Variants in CHD1L observed in about 807,000 individuals in gnomAD.
CHD1L encodes the protein ATP-dependent chromatin remodeler CHD1L.
Under a neutral mutation model 115.9 loss-of-function variants are expected in CHD1L, and 118 were observed. The observed-to-expected ratio is 1.02, with a 90% CI of 0.88 to 1.19. The LOEUF is 1.19. Among genes scored for constraint, CHD1L ranks in the 50% most tolerant of loss-of-function variants. CHD1L has a pLI of 0.00. For synonymous variants in CHD1L, 411 were observed against 387.1 expected (o/e 1.06, Z -0.72); for missense variants, 1,179 against 1,065.3 (o/e 1.11, Z -1.49).
chr1:147,242,583 G>A (rs1230960686), upstream of CHD1L: 10 of 1,025,368 alleles, frequency 9.8e-6, no homozygotes, highest in Non-Finnish European at 1.2e-5. Context: ...GGCAGGACGC[G>A]CCCTCTGGCG....
the CHD1L span, among the ~76,000 whole-genome samples, chr1:147,234,055 A>G: frequency 6.6e-6 from 1 of 152,102 alleles, no homozygotes; most frequent in Admixed American, 6.6e-5. Context: ...GACCCTGCCA[A>G]ATCCCCCTCT....
At chr1:147,220,360 T>C in the CHD1L span, among the ~76,000 whole-genome samples, 8 of 152,318 alleles carry the variant, frequency 5.3e-5, no homozygotes, top group East Asian at 1.4e-3. Flanking sequence ...TGTTAAGATG[T>C]CAGTTCTTTC....
At chr1:147,234,262 C>T in the CHD1L span, among the ~76,000 whole-genome samples, 1 of 152,140 alleles carries the variant, frequency 6.6e-6, no homozygotes, top group Non-Finnish European at 1.5e-5. Flanking sequence ...CCCCCTGCTC[C>T]CACTTTACTT....
At chr1:147,216,513 C>T in the CHD1L span, among the ~76,000 whole-genome samples, 4 of 151,996 alleles carry the variant, frequency 2.6e-5, no homozygotes, top group Admixed American at 1.3e-4. Context: ...ACATCTCCAG[C>T]GTTTTCTGGA....
the CHD1L span, chr1:147,178,096 C>T: frequency 6.6e-7 from 1 of 1,521,972 alleles, no homozygotes; most frequent in Non-Finnish European, 8.9e-7. Flanking sequence ...CCGGCTGCCC[C>T]CACCCCACCT....
In CHD1L at chr1:147,284,771, A is replaced by G. The variant is rs144056590; in HGVS notation, c.1854+272A>G. 5.3e-5 allele frequency among the ~76,000 whole-genome samples: 8 copies of G among 152,278 alleles called. No homozygotes were observed. The East Asian group carries it at 1.5e-3, about 29-fold the overall frequency. On this transcript the variant is annotated intron_variant, in intron 16 of 22. Transcript: ENST00000369258. ...CCAAGTCACCCCTAAAGGCATTCCT[A>G]TATTATACCAAAATACCATATCCTG...
At chr1:147,177,131 A>G in the CHD1L span, among the ~76,000 whole-genome samples, 1 of 151,998 alleles carries the variant, frequency 6.6e-6, no homozygotes, top group Non-Finnish European at 1.5e-5. Context: ...AAAAATGCCT[A>G]ATTCTAGGAC....
chr1:147,232,591 C>A, the CHD1L span, among the ~76,000 whole-genome samples: 1 of 152,100 alleles, frequency 6.6e-6, no homozygotes, highest in Non-Finnish European at 1.5e-5. Context: ...CTCACTGCAA[C>A]CTCCCTGCCT....
intron 19 of CHD1L, among the ~76,000 whole-genome samples, chr1:147,288,331 A>AAAAAAG (rs1684122063): frequency 1.2e-3 from 2 of 1,606 alleles, no homozygotes; most frequent in Non-Finnish European, 3.1e-3. Flanking sequence ...TCAATAAAAA[A>AAAAAAG]AAAAAAAAAA....
chr1:147,290,420 C>CT (rs1382875503), intron 19 of CHD1L, among the ~76,000 whole-genome samples: 5 of 152,170 alleles, frequency 3.3e-5, no homozygotes, highest in Admixed American at 2.6e-4. Flanking sequence ...AGATTACATA[C>CT]TTTTTTTGAA....
intron 20 of CHD1L, among the ~76,000 whole-genome samples, chr1:147,292,764 T>C (rs1686031468): frequency 2.0e-5 from 3 of 152,102 alleles, no homozygotes; most frequent in South Asian, 4.1e-4. Context: ...AATAACTAGA[T>C]GTCATGTGAA....
chr1:147,220,333 A>C, the CHD1L span, among the ~76,000 whole-genome samples: 1 of 152,214 alleles, frequency 6.6e-6, no homozygotes, highest in Non-Finnish European at 1.5e-5. Flanking sequence ...TGATTCATAG[A>C]CTAGAAGATT....
chr1:147,182,590 T>C, the CHD1L span, among the ~76,000 whole-genome samples: 1 of 152,246 alleles, frequency 6.6e-6, no homozygotes. Flanking sequence ...CCTACATCAG[T>C]GTTAAAACCA....
At chr1:147,196,387 C>G in the CHD1L span, among the ~76,000 whole-genome samples, 1 of 152,018 alleles carries the variant, frequency 6.6e-6, no homozygotes, top group East Asian at 1.9e-4. Context: ...AGTCAATTTC[C>G]AAATTACTTC....
chr1:147,206,320 G>A, the CHD1L span, among the ~76,000 whole-genome samples: 10 of 152,292 alleles, frequency 6.6e-5, no homozygotes, highest in Admixed American at 3.9e-4. Flanking sequence ...CTGTTGGTGG[G>A]ACTGTAAACT....
At chr1:147,266,273 T>C (rs1673884478) in intron 8 of CHD1L, among the ~76,000 whole-genome samples, 186 bp downstream of exon 8, 1 of 152,198 alleles carries the variant, frequency 6.6e-6, no homozygotes, top group South Asian at 2.1e-4. Context: ...GCCTTGGTTG[T>C]TGCAGTTGTG....
At chr1:147,248,612 ATC>A (rs1461257957) in intron 1 of CHD1L, among the ~76,000 whole-genome samples, 16 of 151,972 alleles carry the variant, frequency 1.1e-4, no homozygotes, top group African/African-American at 3.4e-4. Flanking sequence ...TTTTTAGTTT[ATC>A]TCTGTTTCTT....
chr1:147,229,278 T>C, the CHD1L span, among the ~76,000 whole-genome samples: 1 of 152,136 alleles, frequency 6.6e-6, no homozygotes, highest in Admixed American at 6.5e-5. Context: ...CCTTTCCCTA[T>C]TTCTTGTTTT....
intron 13 of CHD1L, 41 bp downstream of exon 13, chr1:147,275,509 A>C (rs1553956988): frequency 6.7e-7 from 1 of 1,493,740 alleles, no homozygotes; most frequent in Non-Finnish European, 9.3e-7. Context: ...GCCCAGCAGC[A>C]GTTCTGGGTT....
Sources: allele counts gnomAD v4.1 joint callset (sites outside exome capture counted in the v4.1 genomes callset), GRCh38; gene constraint gnomAD v4.1.1; transcripts MANE v1.5; gene names NCBI Gene and HGNC (gene_info 2026-07-23, HGNC 2026-07-21).